CCND3: variants seen among roughly 807,000 people sequenced by gnomAD.
The protein encoded by CCND3 is cyclin D3.
A neutral mutation model predicts 28.7 loss-of-function variants in CCND3; 9 were observed. The observed-to-expected ratio is 0.31, with a 90% CI of 0.19 to 0.55. CCND3 has a LOEUF of 0.55. Among genes scored for constraint, CCND3 ranks in the 20% least tolerant of loss-of-function variants. CCND3 has a pLI of 0.93. For synonymous variants in CCND3, 164 were observed against 163.9 expected (o/e 1.00, Z 0.00); for missense variants, 315 against 385.8 (o/e 0.82, Z 1.54).
At chr6:42,044,901 A>AC (rs1362489124) in intron 1 of CCND3, among the ~76,000 whole-genome samples, 1 of 140,836 alleles carries the variant, frequency 7.1e-6, no homozygotes, top group African/African-American at 2.7e-5. Context: ...TGATTCTCCC[A>AC]CCTCAGCCTC....
intron 1 of CCND3, among the ~76,000 whole-genome samples, chr6:42,040,603 C>T (rs1442953605): frequency 6.6e-6 from 1 of 152,002 alleles, no homozygotes; most frequent in Non-Finnish European, 1.5e-5. Context: ...CCTGTAATTC[C>T]AGCACTTTGG....
chr6:41,976,685 A>G (rs1364874250), intron 1 of CCND3, among the ~76,000 whole-genome samples: 1 of 152,148 alleles, frequency 6.6e-6, no homozygotes, highest in Non-Finnish European at 1.5e-5. Flanking sequence ...TTTTAGATGC[A>G]TTATTCTTAC....
chr6:42,013,529 ATAAC>A (rs1179823866), intron 1 of CCND3, among the ~76,000 whole-genome samples: 7 of 152,234 alleles, frequency 4.6e-5, no homozygotes, highest in African/African-American at 1.7e-4. Flanking sequence ...GAGCAAATAA[ATAAC>A]TGTTAAGCCA....
chr6:41,956,031 C>T (rs556624694), intron 1 of CCND3, among the ~76,000 whole-genome samples: 12 of 152,110 alleles, frequency 7.9e-5, no homozygotes, highest in South Asian at 2.1e-4. Context: ...TGGTGGCTCA[C>T]GCCTATAATC....
At chr6:41,946,594 T>TAAAAAAA, upstream of CCND3, among the ~76,000 whole-genome samples, 1 of 5,862 alleles carries the variant, frequency 1.7e-4, no homozygotes, top group Non-Finnish European at 2.7e-4. Flanking sequence ...GAGACCTGTC[T>TAAAAAAA]CAAAAAAAAA....
intron 1 of CCND3, among the ~76,000 whole-genome samples, chr6:42,011,502 G>A (rs552541465): frequency 1.3e-5 from 2 of 152,228 alleles, no homozygotes; most frequent in South Asian, 2.1e-4. Context: ...AGTGGGGTCC[G>A]GGATTATGTA....
At chr6:42,022,987 A>G (rs1488405157) in intron 1 of CCND3, among the ~76,000 whole-genome samples, 2 of 152,250 alleles carry the variant, frequency 1.3e-5, no homozygotes, top group Non-Finnish European at 2.9e-5. Context: ...GTACGGGTAC[A>G]GCCAATCCCC....
intron 1 of CCND3, among the ~76,000 whole-genome samples, chr6:42,010,543 T>C (rs1763313140): frequency 6.6e-6 from 1 of 152,106 alleles, no homozygotes; most frequent in Non-Finnish European, 1.5e-5. Flanking sequence ...CGACAGTAAA[T>C]GAAGCACGGC....
intron 1 of CCND3, among the ~76,000 whole-genome samples, chr6:41,957,994 C>G (rs1776481181): frequency 1.3e-5 from 1 of 78,732 alleles, no homozygotes; most frequent in Non-Finnish European, 2.6e-5. Flanking sequence ...CTTACTTTAT[C>G]TTTATCTTTT....
At chr6:42,000,449 C>G (rs1310808890) in intron 1 of CCND3, among the ~76,000 whole-genome samples, 1 of 150,446 alleles carries the variant, frequency 6.6e-6, no homozygotes, top group African/African-American at 2.4e-5. Flanking sequence ...ATCGTGGTCT[C>G]GATCTCCTGA....
intron 1 of CCND3, among the ~76,000 whole-genome samples, chr6:41,950,069 G>T (rs1283671819): frequency 2.0e-5 from 3 of 149,364 alleles, no homozygotes. Context: ...CTGCACTCCA[G>T]CCTGGACAAC....
chr6:42,021,617 G>A (rs1763715606), intron 1 of CCND3, among the ~76,000 whole-genome samples: 2 of 152,326 alleles, frequency 1.3e-5, no homozygotes, highest in South Asian at 4.1e-4. Flanking sequence ...TATGTGGGAG[G>A]AGGAACTGGG....
intron 1 of CCND3, among the ~76,000 whole-genome samples, chr6:42,043,369 A>G (rs1764429180): frequency 6.6e-6 from 1 of 152,196 alleles, no homozygotes; most frequent in Non-Finnish European, 1.5e-5. Context: ...AACCTCGTCA[A>G]AGATACAAAA....
intron 1 of CCND3, among the ~76,000 whole-genome samples, chr6:41,988,767 C>T (rs1322926760): frequency 7.2e-6 from 1 of 138,424 alleles, no homozygotes; most frequent in Non-Finnish European, 1.5e-5. Flanking sequence ...GGCGCGATGT[C>T]GGCTCACTGC....
chr6:42,027,097 A>G (rs140961367), intron 1 of CCND3, among the ~76,000 whole-genome samples: 3 of 152,102 alleles, frequency 2.0e-5, no homozygotes, highest in African/African-American at 7.2e-5. Flanking sequence ...CCAGCCCTTC[A>G]CCTCCATCAG....
chr6:41,998,426 G>C (rs9462760), intron 1 of CCND3, among the ~76,000 whole-genome samples: 1 of 149,178 alleles, frequency 6.7e-6, no homozygotes. Context: ...TCAGCTCACC[G>C]CAACCTCCAC....
rs775094377 is a variant in CCND3, at chr6:41,941,488, C to T, written c.162G>A (p.Pro54=). ...YFQCVQREIK[P]HMRKMLAYWM... The stretch of plus-strand genomic sequence containing the variant: ...AGTAAGCCAGCATCTTCCGCATGTG[C>T]GGCTTGATCTCCCGCTGCACGCACT... The change falls in exon 1 of 5, where the codon CCG becomes CCA. Residue 54 remains proline, a synonymous_variant. Coordinates refer to ENST00000372991, the MANE Select transcript of CCND3 (RefSeq NM_001760.5). This position sits in a 1 kb window ranked among gnomAD's most constrained non-coding sequence, Gnocchi z 6.1. 4 of 1,607,590 alleles carry T rather than the reference C, an allele frequency of 2.5e-6. No homozygotes were observed.
Position 42,014,284 on chromosome 6 carries a change from G to A in CCND3, c.-46+34217C>T, listed in dbSNP as rs1018961458. Among the ~76,000 whole-genome samples, 9 of 151,664 alleles carry A rather than the reference G, an allele frequency of 5.9e-5. No homozygotes were observed. The South Asian group carries it at 1.5e-3, about 25-fold the overall frequency. ...GGGAGGGCTGAGGCAGGAGAATGGC[G>A]TGAACCCCGGGGGGCGGAGCCTGCA... On this transcript the variant is annotated intron_variant, in intron 1 of 4. Coordinates refer to the CCND3 transcript ENST00000372988.
chr6:41,990,985 A>T (rs1474052412), intron 1 of CCND3, among the ~76,000 whole-genome samples: 4 of 151,620 alleles, frequency 2.6e-5, no homozygotes, highest in African/African-American at 9.7e-5. Context: ...CGGCTTAGCC[A>T]ACTGATTTTT....
Sources: gnomAD v4.1 joint callset for allele counts (sites outside exome capture counted in the v4.1 genomes callset) on GRCh38, gnomAD v4.1.1 for gene constraint, Gnocchi (gnomAD v3.1) non-coding constraint, MANE v1.5 for transcripts, NCBI Gene and HGNC (gene_info 2026-07-23, HGNC 2026-07-21) for gene names.